The following DLC1 variants were observed in gnomAD, a reference collection of about 807,000 sequenced individuals.
DLC1 encodes the protein rho GTPase-activating protein 7.
Under a neutral mutation model 140.3 loss-of-function variants are expected in DLC1, and 54 were observed. That is an observed-to-expected ratio of 0.38 (90% confidence interval 0.31 to 0.48). The LOEUF is 0.48. DLC1 is among the 20% of genes least tolerant of loss of function. DLC1 has a pLI of 0.96. For synonymous variants in DLC1, 986 were observed against 728.1 expected (o/e 1.35, Z -5.70); for missense variants, 2,536 against 1,907.0 (o/e 1.33, Z -6.14).
At chr8:13,340,987 A>G (rs1161115011) in intron 4 of DLC1, 1 of 152,236 alleles carries the variant, frequency 6.6e-6, no homozygotes, top group Non-Finnish European at 1.5e-5. Flanking sequence ...TGACAAAGGC[A>G]TATTCACATC....
intron 4 of DLC1, among the ~76,000 whole-genome samples, chr8:13,369,355 G>GAAAAAA (rs1333516845): frequency 1.5e-5 from 2 of 136,040 alleles, no homozygotes; most frequent in African/African-American, 2.7e-5. Context: ...TGGCTGGGTC[G>GAAAAAA]AAAAAAAAAA....
At chr8:13,522,604 G>T (rs1036281678) in intron 1 of DLC1, among the ~76,000 whole-genome samples, 1 of 151,776 alleles carries the variant, frequency 6.6e-6, no homozygotes, top group African/African-American at 2.4e-5. Context: ...CAGCCTGGGC[G>T]ACAAGAGCAA....
intron 4 of DLC1, among the ~76,000 whole-genome samples, chr8:13,347,539 T>C (rs923209180): frequency 1.3e-5 from 2 of 152,172 alleles, no homozygotes; most frequent in Non-Finnish European, 2.9e-5. Flanking sequence ...ATAATGATCA[T>C]TCTTCCTGTG....
chr8:13,115,341 G>C (rs1389201690), intron 6 of DLC1, among the ~76,000 whole-genome samples: 6 of 152,178 alleles, frequency 3.9e-5, no homozygotes, highest in Admixed American at 3.9e-4. Context: ...GAAAATGATA[G>C]TCTTCAGCAT....
intron 1 of DLC1, among the ~76,000 whole-genome samples, chr8:13,532,018 C>T (rs1374748275): frequency 6.6e-6 from 1 of 152,184 alleles, no homozygotes; most frequent in Admixed American, 6.5e-5. Flanking sequence ...CAGGCAGAAG[C>T]CTAAGTCTAG....
intron 5 of DLC1, among the ~76,000 whole-genome samples, chr8:13,302,874 G>C (rs544981573): frequency 6.6e-6 from 1 of 151,764 alleles, no homozygotes; most frequent in Non-Finnish European, 1.5e-5. Flanking sequence ...AAAGAAACAA[G>C]ATTTATATTT....
At chr8:13,214,708 G>T (rs773667991) in intron 5 of DLC1, 1 of 780,760 alleles carries the variant, frequency 1.3e-6, no homozygotes, top group Admixed American at 1.7e-5. Context: ...TGCCACTTCC[G>T]AGTTGGAAAA....
chr8:13,140,490 T>G lies in DLC1; in HGVS notation c.1349-24833A>C, dbSNP rs1248689834. Among the ~76,000 whole-genome samples, 3 of 152,110 alleles carry G rather than the reference T, an allele frequency of 2.0e-5. No individual in the cohort carries two copies. The East Asian group carries it at 5.8e-4, about 29-fold the overall frequency. On this transcript the variant is annotated intron_variant, in intron 5 of 17. Coordinates refer to ENST00000276297, the MANE Select transcript of DLC1 (RefSeq NM_182643.3). Reference sequence around the variant, plus strand: ...TCAAGCGATTCGCCTGCCTCTGCCTTCCAAAGTGCTGGGATTACAGGTTGA... The same window carrying G: ...TCAAGCGATTCGCCTGCCTCTGCCTGCCAAAGTGCTGGGATTACAGGTTGA...
At chr8:13,305,773 A>T (rs1195113307) in intron 4 of DLC1, among the ~76,000 whole-genome samples, 1 of 152,172 alleles carries the variant, frequency 6.6e-6, no homozygotes, top group Non-Finnish European at 1.5e-5. Context: ...GGGAGATCAA[A>T]GCTGCAGTGA....
intron 2 of DLC1, among the ~76,000 whole-genome samples, chr8:13,475,599 G>A (rs1366685220): frequency 1.3e-5 from 2 of 152,152 alleles, no homozygotes; most frequent in Non-Finnish European, 2.9e-5. Context: ...GTTTCACAAC[G>A]AAAAGAAAGA....
intron 2 of DLC1, among the ~76,000 whole-genome samples, chr8:13,491,503 A>G (rs1157710355): frequency 1.3e-5 from 2 of 152,210 alleles, no homozygotes; most frequent in African/African-American, 4.8e-5. Context: ...ATGATAAAAT[A>G]TACGTGAATG....
intron 4 of DLC1, among the ~76,000 whole-genome samples, chr8:13,319,387 A>G (rs140487396): frequency 1.8e-4 from 27 of 151,018 alleles, no homozygotes; most frequent in African/African-American, 5.8e-4. Context: ...CTTCCCACCC[A>G]AGTGATATGG....
intron 2 of DLC1, among the ~76,000 whole-genome samples, chr8:13,496,577 TAC>T (rs1360660364): frequency 2.9e-4 from 37 of 128,512 alleles, no homozygotes; most frequent in Admixed American, 5.3e-4. Flanking sequence ...CATATATATA[TAC>T]ACACACACAC....
intron 1 of DLC1, among the ~76,000 whole-genome samples, chr8:13,589,361 C>G (rs542507356): frequency 5.9e-5 from 9 of 152,190 alleles, no homozygotes; most frequent in Admixed American, 2.6e-4. Flanking sequence ...TTCACTGTTA[C>G]AACAGCAAGG....
intron 1 of DLC1, among the ~76,000 whole-genome samples, chr8:13,521,731 C>T (rs906077462): frequency 3.9e-5 from 6 of 152,164 alleles, no homozygotes; most frequent in Non-Finnish European, 7.3e-5. Flanking sequence ...GACAAAGCCT[C>T]GTGTCCTTGA....
intron 4 of DLC1, among the ~76,000 whole-genome samples, chr8:13,377,361 G>T (rs1705861516): frequency 6.6e-6 from 1 of 152,104 alleles, no homozygotes; most frequent in South Asian, 2.1e-4. Context: ...TCTAAAGATG[G>T]TCACAAATAT....
At chr8:13,333,252 G>A (rs911629189) in intron 4 of DLC1, among the ~76,000 whole-genome samples, 2 of 152,064 alleles carry the variant, frequency 1.3e-5, no homozygotes, top group East Asian at 3.9e-4. Flanking sequence ...TAGAGACAGG[G>A]TCTTCCTTTA....
intron 1 of DLC1, among the ~76,000 whole-genome samples, chr8:13,566,394 C>G (rs917015452): frequency 3.6e-5 from 5 of 140,616 alleles, no homozygotes; most frequent in Non-Finnish European, 6.2e-5. Context: ...TCGAGGTCCT[C>G]AGAATGCTGG....
intron 5 of DLC1, among the ~76,000 whole-genome samples, chr8:13,280,149 G>A (rs1179783415): frequency 5.3e-5 from 8 of 151,154 alleles, no homozygotes; most frequent in South Asian, 2.1e-4. Context: ...TTAGCCGGGC[G>A]TGGTGGCAGG....
Sources: gnomAD v4.1 joint callset for allele counts (sites outside exome capture counted in the v4.1 genomes callset) on GRCh38, gnomAD v4.1.1 for gene constraint, MANE v1.5 for transcripts, NCBI Gene and HGNC (gene_info 2026-07-23, HGNC 2026-07-21) for gene names.